The following ETS1 variants were observed in gnomAD, a reference collection of about 807,000 sequenced individuals.
ETS1 encodes ETS proto-oncogene 1, transcription factor, also known as protein C-ets-1.
Under a neutral mutation model 58.6 loss-of-function variants are expected in ETS1, and 15 were observed. The ratio of observed to expected loss-of-function variants is 0.26; its 90% CI spans 0.17 to 0.39. The LOEUF (loss-of-function observed/expected upper bound fraction) is 0.39, where lower values mean the gene tolerates loss of function less well. Among genes scored for constraint, ETS1 ranks in the 10% least tolerant of loss-of-function variants. The pLI, the probability that ETS1 is intolerant of heterozygous loss-of-function variation, is 1.00. For missense variants in ETS1, 417 were observed against 610.5 expected, an observed-to-expected ratio of 0.68 and a Z score of 3.34; for synonymous variants, 214 against 218.2, an observed-to-expected ratio of 0.98 and a Z score of 0.17.
At chr11:128,573,884 C>T (rs1369005003) in intron 1 of ETS1, among the ~76,000 whole-genome samples, 1 of 152,202 alleles carries the variant, frequency 6.6e-6, no homozygotes, top group Non-Finnish European at 1.5e-5. Flanking sequence ...TAATACTATG[C>T]ATTTAAAAAG....
chr11:128,546,502 C>T (rs184657762), intron 3 of ETS1, among the ~76,000 whole-genome samples: 2 of 152,302 alleles, frequency 1.3e-5, no homozygotes, highest in Admixed American at 6.5e-5. Context: ...AACCTATGCA[C>T]GTCCTCCCAT....
intron 2 of ETS1, 36 bp from the exon 3 acceptor site, chr11:128,556,471 G>A (rs1864314882): frequency 6.8e-7 from 1 of 1,467,988 alleles, no homozygotes; most frequent in Non-Finnish European, 9.2e-7. Context: ...TATATTAGGA[G>A]GAAAATCTCT....
At chr11:128,585,168 G>A (rs186517100) in intron 1 of ETS1, among the ~76,000 whole-genome samples, 518 of 8,352 alleles carry the variant, frequency 0.062, 77 homozygotes, top group South Asian at 0.18. Context: ...AAGAAAGAAA[G>A]AGAAAGAAAG....
chr11:128,505,310 G>A (rs1441325519), intron 3 of ETS1: 1 of 152,228 alleles, frequency 6.6e-6, no homozygotes, highest in Admixed American at 6.5e-5. Flanking sequence ...TGGCCAGTAA[G>A]TTGAATCTGA....
intron 3 of ETS1, among the ~76,000 whole-genome samples, chr11:128,514,416 A>C (rs965331225): frequency 2.0e-5 from 3 of 151,970 alleles, no homozygotes; most frequent in Admixed American, 2.0e-4. Flanking sequence ...TTTTTCCTTC[A>C]TGTTTATCTA....
At chr11:128,546,547 T>A (rs563504392) in intron 3 of ETS1, among the ~76,000 whole-genome samples, 22 of 152,232 alleles carry the variant, frequency 1.4e-4, no homozygotes, top group Non-Finnish European at 2.8e-4. Flanking sequence ...CTTATAATAC[T>A]TAATACAATG....
intron 2 of ETS1, among the ~76,000 whole-genome samples, chr11:128,566,505 C>G (rs12282352): frequency 6.6e-6 from 1 of 151,990 alleles, no homozygotes; most frequent in East Asian, 1.9e-4. Flanking sequence ...CAGACAGGGC[C>G]GGGCGCAGTG....
At chr11:128,468,538 A>C (rs1436392346) in intron 8 of ETS1, among the ~76,000 whole-genome samples, 1 of 152,132 alleles carries the variant, frequency 6.6e-6, no homozygotes, top group Non-Finnish European at 1.5e-5. Context: ...GTTGAACTTC[A>C]CTTTTTCCTT....
At chr11:128,478,381 GAGGA>G (rs1862387432) in intron 8 of ETS1, among the ~76,000 whole-genome samples, 2 of 22,004 alleles carry the variant, frequency 9.1e-5, no homozygotes, top group Non-Finnish European at 1.5e-4. Context: ...GGGAGGGAGG[GAGGA>G]AGGGAGGGAG....
chr11:128,545,703 A>G (rs990785553), intron 3 of ETS1, among the ~76,000 whole-genome samples: 1 of 152,206 alleles, frequency 6.6e-6, no homozygotes, highest in East Asian at 1.9e-4. Flanking sequence ...ACTATTTTTC[A>G]TCTCTATTTT....
intron 2 of ETS1, among the ~76,000 whole-genome samples, chr11:128,563,926 TGTA>T (rs1431409797): frequency 6.6e-6 from 1 of 152,178 alleles, no homozygotes; most frequent in African/African-American, 2.4e-5. Context: ...CCTGGTTGCA[TGTA>T]GTTGCCCTTG....
At position 128,464,150 on chromosome 11, in the gene ETS1, T is replaced by C. The variant is rs1212177206; in HGVS notation, c.1124-523A>G. Among the ~76,000 whole-genome samples, 1 of 150,682 alleles carries C rather than the reference T, an allele frequency of 6.6e-6. No individual in the cohort carries two copies. The highest frequency in any genetic ancestry group is 1.5e-5 in the Non-Finnish European group (1 of 67,854). On this transcript the variant is annotated intron_variant, in intron 8 of 9. Transcript: ENST00000392668. The surrounding 1 kb of genome is among the most constrained non-coding windows in gnomAD (Gnocchi z 4.1). ...ATCCTCCGGCCCTCTTACAAGGAAA[T>C]AGATGTTAAATATCTGTTCAGTCAT...
At chr11:128,570,041 G>A (rs529220027) in intron 2 of ETS1, among the ~76,000 whole-genome samples, 1 of 152,246 alleles carries the variant, frequency 6.6e-6, no homozygotes, top group African/African-American at 2.4e-5. Context: ...TTGCAGGGAG[G>A]TGTCTTTAGT....
rs1312976302 is a variant in ETS1, at chr11:128,549,603, C to T, written c.214+6688G>A. On this transcript the variant is annotated intron_variant, in intron 3 of 9. Coordinates refer to ENST00000392668, the MANE Select transcript of ETS1 (RefSeq NM_001143820.2). This position sits in a 1 kb window ranked among gnomAD's most constrained non-coding sequence, Gnocchi z 4.3. ...TAGGATGTTCGAGAAGCTGCGAGTT[C>T]GAGGGCGGGCCGGCGGAAGGCTTGC... is the stretch of plus-strand genomic sequence containing the variant. Among the ~76,000 whole-genome samples the T allele has an allele frequency of 6.6e-6, 1 of 152,156 alleles. No homozygotes were observed. The highest frequency in any genetic ancestry group is 1.9e-4 in the East Asian group (1 of 5,196).
At chr11:128,509,027 C>T (rs1253764768) in intron 3 of ETS1, among the ~76,000 whole-genome samples, 1 of 152,088 alleles carries the variant, frequency 6.6e-6, no homozygotes, top group African/African-American at 2.4e-5. Context: ...GGCAAGTCAC[C>T]CAGGGCCCAA....
At chr11:128,477,321 C>T (rs1309876686) in intron 8 of ETS1, among the ~76,000 whole-genome samples, 2 of 152,208 alleles carry the variant, frequency 1.3e-5, no homozygotes, top group East Asian at 3.8e-4. Flanking sequence ...GTGAGTGTGA[C>T]TTTTACAAGC....
intron 3 of ETS1, among the ~76,000 whole-genome samples, chr11:128,532,537 T>A (rs1018317797): frequency 2.6e-5 from 4 of 152,164 alleles, no homozygotes; most frequent in Non-Finnish European, 5.9e-5. Context: ...GGTGTTTAGT[T>A]AAGTCACCCC....
At chr11:128,547,481 G>C (rs992506231) in intron 3 of ETS1, among the ~76,000 whole-genome samples, 2 of 152,134 alleles carry the variant, frequency 1.3e-5, no homozygotes, top group African/African-American at 2.4e-5. Context: ...AAATGTATGA[G>C]GTATGTAAGA....
intron 3 of ETS1, among the ~76,000 whole-genome samples, chr11:128,511,290 T>C (rs1863386846): frequency 6.6e-6 from 1 of 152,210 alleles, no homozygotes; most frequent in African/African-American, 2.4e-5. Context: ...TGGACATCTA[T>C]TATTTTCAAA....
Sources: gnomAD v4.1 joint callset for allele counts (sites outside exome capture counted in the v4.1 genomes callset) on GRCh38, gnomAD v4.1.1 for gene constraint, Gnocchi (gnomAD v3.1) non-coding constraint, MANE v1.5 for transcripts, NCBI Gene and HGNC (gene_info 2026-07-23, HGNC 2026-07-21) for gene names.